Variants in CDK19 observed in about 807,000 individuals in gnomAD.
The protein encoded by CDK19 is cyclin-dependent kinase 19.
A neutral mutation model predicts 68.3 loss-of-function variants in CDK19; 20 were observed. That is an observed-to-expected ratio of 0.29 (90% CI 0.21 to 0.43). The LOEUF is 0.43. Ranked by LOEUF, CDK19 falls within the 20% of genes least tolerant of loss-of-function variation. CDK19 has a pLI of 1.00. For synonymous variants in CDK19, 221 were observed against 222.8 expected, an observed-to-expected ratio of 0.99 and a Z score of 0.07; for missense variants, 339 against 623.5, an observed-to-expected ratio of 0.54 and a Z score of 4.86.
chr6:110,757,669 T>C (rs949789728), intron 1 of CDK19, among the ~76,000 whole-genome samples: 1 of 152,332 alleles, frequency 6.6e-6, no homozygotes, highest in South Asian at 2.1e-4. Context: ...GTGTGTGACA[T>C]GTAATGACAA....
chr6:110,670,906 T>C, intron 2 of CDK19: 1 of 387,054 alleles, frequency 2.6e-6, no homozygotes, highest in South Asian at 2.0e-5. Flanking sequence ...TTTTTGTACA[T>C]GCATATCTTT....
chr6:110,726,259 G>A (rs1383156585), intron 2 of CDK19, among the ~76,000 whole-genome samples: 6 of 152,126 alleles, frequency 3.9e-5, no homozygotes, highest in Admixed American at 1.3e-4. Flanking sequence ...AATACTTTAG[G>A]AGATAATTAG....
At chr6:110,813,095 C>G (rs1783243397) in intron 1 of CDK19, 1 of 149,376 alleles carries the variant, frequency 6.7e-6, no homozygotes, top group Admixed American at 6.7e-5. Flanking sequence ...GACACACAAA[C>G]TAATCTTACT....
At chr6:110,773,954 G>A (rs1780213992) in intron 1 of CDK19, 1 of 152,080 alleles carries the variant, frequency 6.6e-6, no homozygotes, top group African/African-American at 2.4e-5. Context: ...ACACAGCAGA[G>A]GCAAAAGGCA....
At chr6:110,792,826 C>A (rs1781693369) in intron 1 of CDK19, among the ~76,000 whole-genome samples, 1 of 152,118 alleles carries the variant, frequency 6.6e-6, no homozygotes, top group Non-Finnish European at 1.5e-5. Context: ...CTAACTTAAC[C>A]TTCAGGGAAA....
chr6:110,646,242 T>C, intron 4 of CDK19: 1 of 1,491,062 alleles, frequency 6.7e-7, no homozygotes, highest in East Asian at 2.5e-5. Flanking sequence ...GCTGGCTCTG[T>C]GGCCGTTCCA....
chr6:110,638,386 T>G (rs1779921972), intron 5 of CDK19, among the ~76,000 whole-genome samples: 1 of 152,200 alleles, frequency 6.6e-6, no homozygotes, highest in Admixed American at 6.5e-5. Flanking sequence ...AACACATGCT[T>G]GGGTTACTGT....
intron 2 of CDK19, among the ~76,000 whole-genome samples, chr6:110,715,478 T>C (rs9487498): frequency 0.014 from 2,066 of 152,150 alleles, 58 homozygotes; most frequent in African/African-American, 0.047. Context: ...TCATTTTGTG[T>C]ATTCAGTTCT....
intron 4 of CDK19, among the ~76,000 whole-genome samples, chr6:110,648,463 A>G (rs1003506584): frequency 6.6e-6 from 1 of 152,106 alleles, no homozygotes; most frequent in Non-Finnish European, 1.5e-5. Flanking sequence ...GAAAAACCAT[A>G]CAATGCCTAA....
chr6:110,646,456 C>T lies in CDK19; in HGVS notation c.457-7750G>A, dbSNP rs1047575465. ...GCAGCTACCCCATGCACCGCCTCAT[C>T]CCTGAGGCCCAGAAGGCGGAGCCCA... On this transcript the variant is annotated intron_variant, in intron 4 of 12. Transcript: ENST00000368911. 45 of 1,493,300 alleles carry T rather than the reference C, an allele frequency of 3.0e-5. No individual in the cohort carries two copies. The Middle Eastern group carries it at 5.7e-4, about 19-fold the overall frequency. The allele number at this position is 1,493,300 out of a possible 1,614,324, so 92.5% of individuals were successfully genotyped here.
intron 1 of CDK19, among the ~76,000 whole-genome samples, chr6:110,752,533 T>C (rs1778541994): frequency 6.6e-6 from 1 of 152,240 alleles, no homozygotes; most frequent in South Asian, 2.1e-4. Context: ...ATGCTTTCCT[T>C]TCCTTTTCTG....
At chr6:110,620,304 G>T (rs1262215603) in intron 12 of CDK19, among the ~76,000 whole-genome samples, 2 of 152,096 alleles carry the variant, frequency 1.3e-5, no homozygotes, top group Non-Finnish European at 2.9e-5. Context: ...CTTGCCAGAG[G>T]TTTTGTTTTC....
Position 110,621,453 on chromosome 6 carries a change from G to A in CDK19, c.1111-83C>T. ...AATTATTTGATATGCACATGTGGCT[G>A]CTGACCAACCTGGGGGAGCAATCTA... On this transcript the variant is annotated intron_variant, in intron 11 of 12. Transcript: ENST00000368911. This position sits in a 1 kb window ranked among gnomAD's most constrained non-coding sequence, Gnocchi z 5.4. The A allele has an allele frequency of 2.2e-6, 3 of 1,390,914 alleles. No individual in the cohort carries two copies. Among genetic ancestry groups the A allele is most frequent in the Non-Finnish European group, 2.9e-6 (3 of 1,024,982 alleles). 86.2% of individuals were successfully genotyped at this position (1,390,914 alleles called of 1,614,324 possible).
intron 6 of CDK19, among the ~76,000 whole-genome samples, chr6:110,628,775 T>C (rs999013423): frequency 5.3e-5 from 8 of 152,252 alleles, no homozygotes; most frequent in African/African-American, 1.9e-4. Flanking sequence ...CTTACTTATT[T>C]GACCACATTC....
chr6:110,703,753 T>C (rs1012987056), intron 2 of CDK19, among the ~76,000 whole-genome samples: 2 of 152,120 alleles, frequency 1.3e-5, no homozygotes, highest in Admixed American at 6.6e-5. Context: ...AGTGGGAGGA[T>C]TGCTTGAACC....
intron 2 of CDK19, among the ~76,000 whole-genome samples, chr6:110,682,052 T>G (rs1458081815): frequency 6.6e-6 from 1 of 152,218 alleles, no homozygotes; most frequent in Non-Finnish European, 1.5e-5. Context: ...GTATACATCT[T>G]TCTTCCCTTT....
At chr6:110,755,545 G>A (rs1778779149) in intron 1 of CDK19, among the ~76,000 whole-genome samples, 1 of 152,120 alleles carries the variant, frequency 6.6e-6, no homozygotes. Context: ...GGATTTCACT[G>A]AGCAAAGGAG....
Position 110,667,546 on chromosome 6 carries a change from T to A in CDK19, c.344A>T (p.Lys115Ile). Residue 115 changes from lysine to isoleucine, a missense_variant, in exon 4 of 13, where the codon AAA (lysine) becomes ATA (isoleucine). Transcript: ENST00000368911. ...CAACTGCATGGGCTTTTTATTTGCT[T>A]TTGATGCACGGTGAAACTTAATAAT... ...WHIIKFHRAS[K>I]ANKKPMQLPR... The A allele has an allele frequency of 6.4e-7, 1 of 1,570,092 alleles. No homozygotes were observed. The highest frequency in any genetic ancestry group is 8.7e-7 in the Non-Finnish European group (1 of 1,153,218).
intron 2 of CDK19, among the ~76,000 whole-genome samples, chr6:110,726,441 C>G (rs1776319085): frequency 6.6e-6 from 1 of 151,992 alleles, no homozygotes; most frequent in Admixed American, 6.6e-5. Context: ...TCTTTCAACT[C>G]AAGCCTAAAG....
Sources: allele counts gnomAD v4.1 joint callset (sites outside exome capture counted in the v4.1 genomes callset), GRCh38; gene constraint gnomAD v4.1.1; non-coding constraint Gnocchi (gnomAD v3.1); transcripts MANE v1.5; gene names NCBI Gene and HGNC (gene_info 2026-07-23, HGNC 2026-07-21).